The following DIP2A variants were observed in gnomAD, a reference collection of about 807,000 sequenced individuals.
DIP2A encodes the protein disco-interacting protein 2 homolog A.
Under a neutral mutation model 177.4 loss-of-function variants are expected in DIP2A, and 85 were observed. The observed-to-expected ratio is 0.48, with a 90% CI of 0.40 to 0.57. The LOEUF (loss-of-function observed/expected upper bound fraction) is 0.57, where lower values mean the gene tolerates loss of function less well. Among genes scored for constraint, DIP2A ranks in the 20% least tolerant of loss-of-function variants. The pLI, the probability that DIP2A is intolerant of heterozygous loss-of-function variation, is 0.00. For synonymous variants in DIP2A, 886 were observed against 881.8 expected, an observed-to-expected ratio of 1.00 and a Z score of -0.08; for missense variants, 1,791 against 2,100.2, an observed-to-expected ratio of 0.85 and a Z score of 2.88.
chr21:46,525,834 T>C (rs1242367491), intron 8 of DIP2A: 1 of 150,998 alleles, frequency 6.6e-6, no homozygotes, highest in African/African-American at 2.4e-5. Flanking sequence ...TTAGCATTAC[T>C]TTGAGTCTTA....
intron 1 of DIP2A, among the ~76,000 whole-genome samples, chr21:46,466,447 G>A (rs918081175): frequency 6.8e-6 from 1 of 146,528 alleles, no homozygotes; most frequent in Admixed American, 7.0e-5. Context: ...CTCCCAGGTT[G>A]AAGTGATTCT....
chr21:46,482,358 C>T (rs954412282), intron 1 of DIP2A, among the ~76,000 whole-genome samples: 1 of 152,198 alleles, frequency 6.6e-6, no homozygotes, highest in Non-Finnish European at 1.5e-5. Flanking sequence ...CACCTAGTGA[C>T]CTTGTAGCCA....
intron 3 of DIP2A, 64 bp from the exon 4 acceptor site, chr21:46,496,924 C>A (rs993298684): frequency 1.4e-6 from 2 of 1,472,724 alleles, no homozygotes; most frequent in Admixed American, 2.6e-5. Flanking sequence ...AAACATGAAA[C>A]TTAATTTGTT....
intron 9 of DIP2A, among the ~76,000 whole-genome samples, chr21:46,530,554 G>A (rs1361980153): frequency 3.3e-5 from 5 of 152,184 alleles, no homozygotes; most frequent in African/African-American, 1.2e-4. Context: ...TCAAGAAAAG[G>A]ATGCCGGTAG....
intron 2 of DIP2A, among the ~76,000 whole-genome samples, chr21:46,489,543 T>A (rs1441348773): frequency 6.6e-6 from 1 of 152,148 alleles, no homozygotes; most frequent in Non-Finnish European, 1.5e-5. Context: ...TAGAGCCGTG[T>A]CGCCTTTCAC....
chr21:46,502,883 C>G lies in DIP2A; in HGVS notation c.656-1478C>G, dbSNP rs140061475. Reference sequence around the variant, plus strand: ...TAACCATAATTCCTATAGGAACTTACAGTCAGCCAGCATTCTGAACAGATA... The same window carrying G: ...TAACCATAATTCCTATAGGAACTTAGAGTCAGCCAGCATTCTGAACAGATA... On this transcript the variant is annotated intron_variant, in intron 5 of 37. Coordinates refer to ENST00000417564, the MANE Select transcript of DIP2A (RefSeq NM_015151.4). Among the ~76,000 whole-genome samples, 189 of 152,274 alleles carry G rather than the reference C, an allele frequency of 1.2e-3. 1 individual carries two copies. Among genetic ancestry groups the G allele is most frequent in the African/African-American group, 4.3e-3 (177 of 41,556 alleles).
intron 27 of DIP2A, 35 bp from the exon 28 acceptor site, chr21:46,554,787 C>CCCCG (rs2060401508): frequency 2.1e-6 from 1 of 486,602 alleles, no homozygotes; most frequent in Non-Finnish European, 3.9e-6. Flanking sequence ...GCTTGAGAGG[C>CCCCG]CCCGCCCACC....
chr21:46,494,961 G>C (rs1309284654), intron 3 of DIP2A, among the ~76,000 whole-genome samples: 1 of 152,140 alleles, frequency 6.6e-6, no homozygotes, highest in Non-Finnish European at 1.5e-5. Context: ...GGTGTTTCAA[G>C]ACCACAGTCT....
Position 46,498,797 on chromosome 21 carries a change from A to T in DIP2A, c.619A>T (p.Thr207Ser), listed in dbSNP as rs762098703. 1 of 1,613,562 alleles carries T rather than the reference A, an allele frequency of 6.2e-7. No individual in the cohort carries two copies. Among genetic ancestry groups the T allele is most frequent in the Non-Finnish European group, 8.5e-7 (1 of 1,179,782 alleles). Residue 207 changes from threonine to serine, a missense_variant, in exon 5 of 38, where the codon ACT becomes TCT. By Grantham distance (58) the Thr-to-Ser change is moderately conservative (BLOSUM62 1). Transcript: ENST00000417564. The surrounding 1 kb of genome is among the most constrained non-coding windows in gnomAD (Gnocchi z 4.3). ...AAATPGAAAT[T>S]ALAGLEAHTH... The stretch of plus-strand genomic sequence containing the variant: ...AGCCACGCCGGGGGCCGCCGCTACC[A>T]CTGCACTCGCAGGCCTCGAGGCCCA...
chr21:46,558,218 C>A lies in DIP2A; in HGVS notation c.3799-5C>A. Reference sequence around the variant, plus strand: ...CCGTGGCCTGACCGCTCACCCCTCCCGCAGATGAAGGGGGTGAACCTGTCA... The same window carrying A: ...CCGTGGCCTGACCGCTCACCCCTCCAGCAGATGAAGGGGGTGAACCTGTCA... On this transcript the variant is annotated splice_polypyrimidine_tract_variant and splice_region_variant and intron_variant, in intron 31 of 37. Transcript: ENST00000417564. 1 of 1,607,438 alleles carries A rather than the reference C, an allele frequency of 6.2e-7. No homozygotes were observed. Among genetic ancestry groups the A allele is most frequent in the East Asian group, 2.2e-5 (1 of 44,768 alleles).
chr21:46,538,485 C>T lies in DIP2A; in HGVS notation c.1804C>T (p.Arg602Trp), dbSNP rs374117499. The T allele has an allele frequency of 3.9e-6, 6 of 1,544,170 alleles. No homozygotes were observed. In the African/African-American group the frequency reaches 4.1e-5, roughly 11 times the overall value. Residue 602 changes from arginine to tryptophan, a missense_variant and splice_region_variant, in exon 16 of 38, where the codon CGG becomes TGG. Coordinates refer to ENST00000417564, the MANE Select transcript of DIP2A (RefSeq NM_015151.4). ...WIQKVCFYKA[R>W]AALVKSRDMH... ...TCTGTGCCATCCTCTCTCTGCAGCTCGGGCCGCGCTGGTGAAGTCGCGAGA... is the reference window on the plus strand; with the variant it reads ...TCTGTGCCATCCTCTCTCTGCAGCTTGGGCCGCGCTGGTGAAGTCGCGAGA...
intron 33 of DIP2A, 104 bp downstream of exon 33, chr21:46,560,887 C>G: frequency 6.6e-7 from 1 of 1,510,898 alleles, no homozygotes; most frequent in South Asian, 1.2e-5. Context: ...CATTAGAGGA[C>G]GGCGGGGCCA....
At chr21:46,523,089 C>A (rs1239782944) in intron 8 of DIP2A, among the ~76,000 whole-genome samples, 1 of 151,198 alleles carries the variant, frequency 6.6e-6, no homozygotes, top group African/African-American at 2.4e-5. Flanking sequence ...CCATGCCCAG[C>A]TAATTTTGTA....
chr21:46,575,025 T>C, the DIP2A span, among the ~76,000 whole-genome samples: 3 of 152,048 alleles, frequency 2.0e-5, no homozygotes, highest in Admixed American at 2.0e-4. Context: ...GTAAAAATCC[T>C]CAATAAAATA....
chr21:46,481,751 A>G (rs1001537750), intron 1 of DIP2A, among the ~76,000 whole-genome samples: 4 of 152,190 alleles, frequency 2.6e-5, no homozygotes, highest in Non-Finnish European at 5.9e-5. Context: ...AGAAAAAACA[A>G]TAGGAAAAAA....
intron 1 of DIP2A, among the ~76,000 whole-genome samples, chr21:46,484,170 CT>C (rs1315464452): frequency 1.3e-5 from 2 of 152,162 alleles, no homozygotes; most frequent in African/African-American, 4.8e-5. Flanking sequence ...ACTGGAGGAT[CT>C]TGATAAAGTG....
At position 46,556,325 on chromosome 21, in the gene DIP2A, G is replaced by C; in HGVS notation, c.3498+234G>C. On this transcript the variant is annotated intron_variant, in intron 29 of 37. Coordinates refer to ENST00000417564, the MANE Select transcript of DIP2A (RefSeq NM_015151.4). The surrounding 1 kb of genome is among the most constrained non-coding windows in gnomAD (Gnocchi z 4.5). The stretch of plus-strand genomic sequence containing the variant: ...TGTCTAAACTTTCTGATTTATGACT[G>C]TCTAGCTTACAGGAACTGGTGGCTT... 1.4e-6 allele frequency: 2 copies of C among 1,476,936 alleles called. No individual in the cohort carries two copies. 91.5% of individuals were successfully genotyped at this position (1,476,936 alleles called of 1,614,324 possible). A position where few individuals can be genotyped will look rare whatever the true frequency, so the allele number is the denominator to read the frequency against.
chr21:46,554,786 G>GGGGGGGGGGGCCCCCCCC, intron 27 of DIP2A, 36 bp from the exon 28 acceptor site: 8 of 1,519,014 alleles, frequency 5.3e-6, no homozygotes, highest in African/African-American at 2.8e-5. Flanking sequence ...AGCTTGAGAG[G>GGGGGGGGGGGCCCCCCCC]CCCCGCCCAC....
rs773450454 is a variant in DIP2A at position 46,566,726 on chromosome 21, C to T, written c.4463+43C>T. ...GGGCGGCTTCACGTGGTCCCTCCAG[C>T]CCTTCCTCTGGGCATGAGTGCTGTG... On this transcript the variant is annotated intron_variant, in intron 37 of 37. Transcript: ENST00000417564. 92 of 1,611,584 alleles carry T rather than the reference C, an allele frequency of 5.7e-5. No individual in the cohort carries two copies. In the Middle Eastern group the frequency reaches 6.4e-3, roughly 113 times the overall value.
Sources: allele counts gnomAD v4.1 joint callset (sites outside exome capture counted in the v4.1 genomes callset), GRCh38; gene constraint gnomAD v4.1.1; non-coding constraint Gnocchi (gnomAD v3.1); transcripts MANE v1.5; gene names NCBI Gene and HGNC (gene_info 2026-07-23, HGNC 2026-07-21).